Variants in PTPN14 observed in about 807,000 individuals in gnomAD.
The protein encoded by PTPN14 is tyrosine-protein phosphatase non-receptor type 14.
Under a neutral mutation model 126.8 loss-of-function variants are expected in PTPN14, and 53 were observed. The observed-to-expected ratio is 0.42, with a 90% confidence interval of 0.34 to 0.53. The LOEUF (loss-of-function observed/expected upper bound fraction) is 0.53, where lower values mean the gene tolerates loss of function less well. PTPN14 is among the 20% of genes least tolerant of loss of function. The pLI is 0.08. For missense variants in PTPN14, 1,257 were observed against 1,552.9 expected, an observed-to-expected ratio of 0.81 and a Z score of 3.20; for synonymous variants, 630 against 599.3, an observed-to-expected ratio of 1.05 and a Z score of -0.75.
At chr1:214,363,269 C>A (rs955577770) in intron 18 of PTPN14, among the ~76,000 whole-genome samples, 4 of 152,198 alleles carry the variant, frequency 2.6e-5, no homozygotes, top group African/African-American at 9.7e-5. Context: ...TTCCCATGGA[C>A]AGACTGGAAG....
intron 10 of PTPN14, among the ~76,000 whole-genome samples, chr1:214,393,013 G>A (rs1256252922): frequency 6.6e-6 from 1 of 152,202 alleles, no homozygotes; most frequent in Non-Finnish European, 1.5e-5. Flanking sequence ...GTATTCAGCT[G>A]AGGAACGTCT....
chr1:214,386,974 T>C, intron 11 of PTPN14, 52 bp from the exon 12 acceptor site: 1 of 1,481,496 alleles, frequency 6.7e-7, no homozygotes, highest in Admixed American at 1.8e-5. Context: ...ACACGGCTGG[T>C]GACTCACACA....
intron 1 of PTPN14, among the ~76,000 whole-genome samples, chr1:214,498,383 A>G (rs569007231): frequency 6.6e-6 from 1 of 152,338 alleles, no homozygotes; most frequent in South Asian, 2.1e-4. Context: ...GTTTCATGGA[A>G]GAAGGCAAGA....
intron 3 of PTPN14, among the ~76,000 whole-genome samples, chr1:214,440,188 A>T (rs570901588): frequency 6.6e-6 from 1 of 152,342 alleles, no homozygotes; most frequent in African/African-American, 2.4e-5. Flanking sequence ...CTATGGGCAG[A>T]GTCCCTTTAT....
intron 2 of PTPN14, among the ~76,000 whole-genome samples, chr1:214,454,618 G>A (rs952728035): frequency 2.0e-5 from 3 of 152,160 alleles, no homozygotes; most frequent in Non-Finnish European, 4.4e-5. Context: ...ATGTTGAGGA[G>A]GATGATGAGG....
chr1:214,450,766 C>T (rs1660256325), intron 3 of PTPN14, among the ~76,000 whole-genome samples: 1 of 152,142 alleles, frequency 6.6e-6, no homozygotes, highest in South Asian at 2.1e-4. Context: ...TAATGGAAAA[C>T]TCTTACCAAT....
intron 3 of PTPN14, among the ~76,000 whole-genome samples, chr1:214,441,266 T>C (rs1475245277): frequency 6.6e-6 from 1 of 152,236 alleles, no homozygotes; most frequent in Admixed American, 6.5e-5. Flanking sequence ...ACATAAATGT[T>C]AGCTGCTACC....
intron 1 of PTPN14, among the ~76,000 whole-genome samples, chr1:214,492,872 C>T (rs1195529157): frequency 6.7e-6 from 1 of 149,014 alleles, no homozygotes; most frequent in African/African-American, 2.5e-5. Context: ...CATTCCAGCC[C>T]GGGCAAGAGA....
intron 3 of PTPN14, among the ~76,000 whole-genome samples, chr1:214,442,893 C>T (rs1323067580): frequency 6.6e-6 from 1 of 151,638 alleles, no homozygotes; most frequent in Non-Finnish European, 1.5e-5. Flanking sequence ...GTGCGATCTC[C>T]GCTCACCACA....
At chr1:214,397,120 C>T (rs901682201) in intron 8 of PTPN14, among the ~76,000 whole-genome samples, 8 of 152,122 alleles carry the variant, frequency 5.3e-5, no homozygotes, top group African/African-American at 1.9e-4. Context: ...AAAACTGTCT[C>T]AAAATGACCT....
intron 1 of PTPN14, among the ~76,000 whole-genome samples, chr1:214,475,231 G>A (rs539872519): frequency 6.6e-6 from 1 of 152,250 alleles, no homozygotes; most frequent in Admixed American, 6.5e-5. Flanking sequence ...TCACTAAAAA[G>A]GGTCAGAATT....
chr1:214,453,782 C>A (rs1660324591), intron 2 of PTPN14, among the ~76,000 whole-genome samples: 1 of 151,966 alleles, frequency 6.6e-6, no homozygotes, highest in South Asian at 2.1e-4. Flanking sequence ...AAAAAGCAGG[C>A]AAAGGTAGAA....
chr1:214,395,187 G>A (rs536778926), intron 8 of PTPN14, among the ~76,000 whole-genome samples: 16 of 152,226 alleles, frequency 1.1e-4, no homozygotes, highest in African/African-American at 3.9e-4. Context: ...CATAAAATAC[G>A]TCTAGACATC....
intron 1 of PTPN14, among the ~76,000 whole-genome samples, chr1:214,483,591 A>G (rs1009232708): frequency 6.6e-6 from 1 of 152,184 alleles, no homozygotes; most frequent in African/African-American, 2.4e-5. Flanking sequence ...TCTACTGCTA[A>G]TTTAATCTAT....
chr1:214,512,872 TG>T (rs1655011488), intron 1 of PTPN14, among the ~76,000 whole-genome samples: 1 of 152,042 alleles, frequency 6.6e-6, no homozygotes, highest in South Asian at 2.1e-4. Flanking sequence ...TGTGTTTTTT[TG>T]TAGAGACAAG....
In PTPN14 at chr1:214,349,368, C is replaced by T. The variant is rs552729589; in HGVS notation, c.*8554G>A. On this transcript the variant is annotated 3_prime_UTR_variant, in exon 19 of 19. Coordinates refer to ENST00000366956, the MANE Select transcript of PTPN14 (RefSeq NM_005401.5). ...AGGTCAGTGGGCTTCTATGGGCTGA[C>T]GCAAGAACCTTAAGAACAAACCGGT... 11 of 152,280 alleles carry T rather than the reference C, an allele frequency of 7.2e-5. No homozygotes were observed. Among genetic ancestry groups the T allele is most frequent in the African/African-American group, 1.9e-4 (8 of 41,572 alleles). The allele number at this position is 152,280 out of a possible 1,614,324, so 9.4% of individuals were successfully genotyped here.
intron 5 of PTPN14, among the ~76,000 whole-genome samples, chr1:214,403,938 G>A (rs1222371363): frequency 6.6e-6 from 1 of 152,136 alleles, no homozygotes; most frequent in Non-Finnish European, 1.5e-5. Context: ...GACCTCCAGA[G>A]CAGATGTCAG....
chr1:214,454,786 A>T (rs1039739578), intron 2 of PTPN14, among the ~76,000 whole-genome samples: 1 of 152,232 alleles, frequency 6.6e-6, no homozygotes, highest in Non-Finnish European at 1.5e-5. Flanking sequence ...GTGACTCACC[A>T]GGTAATTATC....
At chr1:214,381,265 T>C (rs571622841) in intron 13 of PTPN14, among the ~76,000 whole-genome samples, 2 of 152,220 alleles carry the variant, frequency 1.3e-5, no homozygotes, top group African/African-American at 4.8e-5. Context: ...TCATTAAGTA[T>C]CAAGTTGGCA....
Sources: gnomAD v4.1 joint callset for allele counts (sites outside exome capture counted in the v4.1 genomes callset) on GRCh38, gnomAD v4.1.1 for gene constraint, MANE v1.5 for transcripts, NCBI Gene and HGNC (gene_info 2026-07-23, HGNC 2026-07-21) for gene names.